C9orf43: variants seen among roughly 807,000 people sequenced by gnomAD.
C9orf43 encodes the protein chromosome 9 open reading frame 43.
Under a neutral mutation model 59.1 loss-of-function variants are expected in C9orf43, and 45 were observed. The observed-to-expected ratio is 0.76, with a 90% CI of 0.60 to 0.98. The LOEUF (loss-of-function observed/expected upper bound fraction) is 0.98. Among genes scored for constraint, C9orf43 ranks in the 50% least tolerant of loss-of-function variants. The probability of loss-of-function intolerance (pLI) is 0.00; values close to 1 mark genes in which losing one functional copy is unlikely to be tolerated. For missense variants in C9orf43, 533 were observed against 554.9 expected (o/e 0.96, Z 0.40); for synonymous variants, 203 against 196.8 (o/e 1.03, Z -0.26).
Position 113,425,037 on chromosome 9 carries a change from C to T in C9orf43, c.826C>T (p.Pro276Ser), listed in dbSNP as rs151254029. The T allele has an allele frequency of 1.4e-5, 23 of 1,612,420 alleles. No homozygotes were observed. The highest frequency in any genetic ancestry group is 1.9e-5 in the Non-Finnish European group (23 of 1,179,954). ...TCTCCAGAGACCAGCACTGCGATATCCTGAACGTTTGAAGAAATTACATAA... is the reference window on the plus strand; with the variant it reads ...TCTCCAGAGACCAGCACTGCGATATTCTGAACGTTTGAAGAAATTACATAA... ...LTLERPALRYPERLKKLHNLK... is the reference protein window; with the variant it reads ...LTLERPALRYSERLKKLHNLK... Residue 276 changes from proline to serine, a missense_variant, in exon 9 of 14, where the codon CCT becomes TCT. Pro to Ser is a moderately conservative substitution (Grantham distance 74). Coordinates refer to ENST00000374165, the MANE Select transcript of C9orf43 (RefSeq NM_001278629.2).
In C9orf43 at chr9:113,421,182, A is replaced by AAGAG. The variant is rs757382006; in HGVS notation, c.428_429insGAGA (p.Thr144ArgfsTer54). ...AATATGGTTGTATTGTGGATCCCAG[A>AAGAG]AGAAACAGAGATACATGTGAGGTGA... On this transcript the variant is annotated frameshift_variant, in exon 5 of 14. Transcript: ENST00000374165. LOFTEE classifies it high-confidence loss of function. 1.2e-6 allele frequency: 2 copies of AAGAG among 1,612,744 alleles called. No homozygotes were observed. Among genetic ancestry groups the AAGAG allele is most frequent in the East Asian group, 4.5e-5 (2 of 44,872 alleles).
At position 113,429,546 on chromosome 9, in the gene C9orf43, G is replaced by T; in HGVS notation, c.*160G>T. ...ACCAGGGCCTGAGCTCTGAGCTTAG[G>T]GATTCCATTTTCTTTGTTCACCTCT... On this transcript the variant is annotated 3_prime_UTR_variant, in exon 14 of 14. Coordinates refer to ENST00000374165, the MANE Select transcript of C9orf43 (RefSeq NM_001278629.2). The T allele has an allele frequency of 1.6e-6, 1 of 606,674 alleles. No homozygotes were observed. The highest frequency in any genetic ancestry group is 2.9e-6 in the Non-Finnish European group (1 of 344,316). 37.6% of individuals were successfully genotyped at this position (606,674 alleles called of 1,614,324 possible).
At chr9:113,415,231 C>T (rs1321066921) in intron 3 of C9orf43, among the ~76,000 whole-genome samples, 1 of 152,002 alleles carries the variant, frequency 6.6e-6, no homozygotes, top group Middle Eastern at 3.4e-3. Flanking sequence ...GCAACCTCCA[C>T]CTCCTGGGTT....
At position 113,429,467 on chromosome 9, in the gene C9orf43, G is replaced by A. The variant is rs1564421262; in HGVS notation, c.*81G>A. On this transcript the variant is annotated 3_prime_UTR_variant, in exon 14 of 14. Coordinates refer to ENST00000374165, the MANE Select transcript of C9orf43 (RefSeq NM_001278629.2). ...CGGGATGGCTGGTATCCTGAGGGCA[G>A]CAACGTTTCACATAAGGGCAAGAGG... 3 of 1,232,200 alleles carry A rather than the reference G, an allele frequency of 2.4e-6. No homozygotes were observed. The highest frequency in any genetic ancestry group is 3.5e-6 in the Non-Finnish European group (3 of 858,572). 76.3% of individuals were successfully genotyped at this position (1,232,200 alleles called of 1,614,324 possible). A position where few individuals can be genotyped will look rare whatever the true frequency, so the allele number is the denominator to read the frequency against.
intron 5 of C9orf43, among the ~76,000 whole-genome samples, chr9:113,421,571 CCCAGGG>C (rs1828575414): frequency 6.6e-6 from 1 of 151,934 alleles, no homozygotes; most frequent in South Asian, 2.1e-4. Context: ...TGTTCTCAAC[CCCAGGG>C]CCTAGTACAG....
Position 113,413,522 on chromosome 9 carries a change from A to G in C9orf43, c.29A>G (p.Asp10Gly). MDLPDESQW[D>G]ETTCGLAVCQ... is the part of the protein sequence containing the mutation. Reference sequence around the variant, plus strand: ...GACTTGCCAGATGAGAGCCAGTGGGACGAAACCACCTGTGGCTTGGCTGTT... The same window carrying G: ...GACTTGCCAGATGAGAGCCAGTGGGGCGAAACCACCTGTGGCTTGGCTGTT... The change falls in exon 2 of 14, where the codon GAC becomes GGC. Residue 10 changes from aspartate to glycine, a missense_variant. By Grantham distance (94) the Asp-to-Gly change is moderately conservative. Transcript: ENST00000374165. 6 of 1,613,898 alleles carry G rather than the reference A, an allele frequency of 3.7e-6. No individual in the cohort carries two copies. Among genetic ancestry groups the G allele is most frequent in the Non-Finnish European group, 5.1e-6 (6 of 1,179,798 alleles).
At chr9:113,422,947 A>G (rs562458393) in intron 6 of C9orf43, among the ~76,000 whole-genome samples, 1 of 152,296 alleles carries the variant, frequency 6.6e-6, no homozygotes, top group East Asian at 1.9e-4. Context: ...TTATGAGTAA[A>G]TGTGACCTTG....
intron 2 of C9orf43, 38 bp from the exon 3 acceptor site, chr9:113,413,721 A>G: frequency 6.2e-7 from 1 of 1,611,854 alleles, no homozygotes. Context: ...TTCTCCAGGC[A>G]GCAGGTTAAC....
At chr9:113,420,669 T>A (rs1286231493) in intron 4 of C9orf43, 1 of 675,736 alleles carries the variant, frequency 1.5e-6, no homozygotes, top group Non-Finnish European at 1.8e-6. Flanking sequence ...TAAATGCCTA[T>A]AATTGTAGTC....
At chr9:113,426,184 A>G (rs560941472) in intron 11 of C9orf43, among the ~76,000 whole-genome samples, 20 of 152,300 alleles carry the variant, frequency 1.3e-4, no homozygotes, top group African/African-American at 4.8e-4. Context: ...GCCACAAGGT[A>G]GAGAGTCTCT....
Position 113,428,931 on chromosome 9 carries a change from A to G in C9orf43, c.1139A>G (p.Tyr380Cys), listed in dbSNP as rs772870167. Residue 380 changes from tyrosine to cysteine, a missense_variant, in exon 13 of 14, where the codon TAT becomes TGT. By Grantham distance (194) the Tyr-to-Cys change is radical. Coordinates refer to ENST00000374165, the MANE Select transcript of C9orf43 (RefSeq NM_001278629.2). ...ACGGAGAGACCAAAGATGAACTACT[A>G]TGACCATGCGGATTTCCACCACAGT... The part of the protein sequence containing the change: ...DSTERPKMNY[Y>C]DHADFHHSVK... 6.8e-6 allele frequency: 11 copies of G among 1,613,846 alleles called. No individual in the cohort carries two copies. In the East Asian group the frequency reaches 8.9e-5, roughly 13 times the overall value.
In C9orf43 at chr9:113,410,963, A is replaced by T. The variant is rs1250027614; in HGVS notation, c.-88A>T. On this transcript the variant is annotated 5_prime_UTR_variant, in exon 1 of 14. Transcript: ENST00000374165. The stretch of plus-strand genomic sequence containing the variant: ...TCCATCTCTACCGAAGTTGATGTTC[A>T]TTTTTAATCTTTTCGCCCCTCACGC... 1.0e-6 allele frequency: 1 copy of T among 986,146 alleles called. No individual in the cohort carries two copies. The allele number at this position is 986,146 out of a possible 1,614,324, so 61.1% of individuals were successfully genotyped here.
At position 113,424,162 on chromosome 9, in the gene C9orf43, T is replaced by TG; in HGVS notation, c.657-4_657-3insG. ...ACTGTCTGGCTGTCCTCTGTCCCCT[T>TG]CAGACTTTTGCCAGGTGGAAAGCAA... On this transcript the variant is annotated splice_polypyrimidine_tract_variant and splice_region_variant and intron_variant, in intron 7 of 13. Transcript: ENST00000374165. 1 of 1,603,986 alleles carries TG rather than the reference T, an allele frequency of 6.2e-7. No individual in the cohort carries two copies. Among genetic ancestry groups the TG allele is most frequent in the Non-Finnish European group, 8.5e-7 (1 of 1,175,618 alleles).
chr9:113,429,420 C>T lies in C9orf43; in HGVS notation c.*34C>T. 1 of 1,591,458 alleles carries T rather than the reference C, an allele frequency of 6.3e-7. No individual in the cohort carries two copies. Among genetic ancestry groups the T allele is most frequent in the Admixed American group, 1.7e-5 (1 of 59,228 alleles). ...TGGAGGAATAGACTGAAGGCATCCC[C>T]TGGGGCAGCCGTGTTCCAAAGCGGG... On this transcript the variant is annotated 3_prime_UTR_variant, in exon 14 of 14. Coordinates refer to ENST00000374165, the MANE Select transcript of C9orf43 (RefSeq NM_001278629.2).
In C9orf43 at chr9:113,429,496, G is replaced by A; in HGVS notation, c.*110G>A. ...CGTTTCACATAAGGGCAAGAGGAGA[G>A]GGGCTTCTGCTCTCTGGAGCCTTTA... On this transcript the variant is annotated 3_prime_UTR_variant, in exon 14 of 14. Transcript: ENST00000374165. The A allele has an allele frequency of 3.5e-6, 3 of 860,366 alleles. No individual in the cohort carries two copies. The highest frequency in any genetic ancestry group is 1.7e-5 in the South Asian group (1 of 59,812). The allele number at this position is 860,366 out of a possible 1,614,324, so 53.3% of individuals were successfully genotyped here.
Position 113,425,367 on chromosome 9 carries a change from C to T in C9orf43, c.889C>T (p.Gln297Ter). 2 of 1,548,760 alleles carry T rather than the reference C, an allele frequency of 1.3e-6. No homozygotes were observed. The highest frequency in any genetic ancestry group is 1.8e-6 in the Non-Finnish European group (2 of 1,132,786). ...AGGTTACAGGAAACAGCAGCAGCGG[C>T]AGCAGCAGCAGCAGCAGCAACAGAA... is the stretch of plus-strand genomic sequence containing the variant. ...TEGYRKQQQR[Q>*]QQQQQQQKKV... Residue 297 changes from glutamine to a stop codon, truncating the protein, a stop_gained, in exon 10 of 14, where the codon CAG becomes TAG. Coordinates refer to ENST00000374165, the MANE Select transcript of C9orf43 (RefSeq NM_001278629.2). LOFTEE classifies it high-confidence loss of function.
At chr9:113,415,047 G>A (rs1347041099) in intron 3 of C9orf43, among the ~76,000 whole-genome samples, 1 of 152,120 alleles carries the variant, frequency 6.6e-6, no homozygotes, top group Non-Finnish European at 1.5e-5. Flanking sequence ...GGCCAGGCTG[G>A]TCTCAAACTC....
In C9orf43 at chr9:113,413,809, G is replaced by C. The variant is rs924405143; in HGVS notation, c.202G>C (p.Ala68Pro). 5 of 1,614,076 alleles carry C rather than the reference G, an allele frequency of 3.1e-6. No homozygotes were observed. Among genetic ancestry groups the C allele is most frequent in the Non-Finnish European group, 3.4e-6 (4 of 1,180,040 alleles). The change falls in exon 3 of 14, where the codon GCT (alanine) becomes CCT (proline). Residue 68 changes from alanine to proline, a missense_variant. Ala to Pro is a conservative substitution (Grantham distance 27, BLOSUM62 -1). Coordinates refer to ENST00000374165, the MANE Select transcript of C9orf43 (RefSeq NM_001278629.2). ...AGACATCTTAGATTCCGGCTTTGCAGCTCATCATTTACCAGAATGTACCTT... is the reference window on the plus strand; with the variant it reads ...AGACATCTTAGATTCCGGCTTTGCACCTCATCATTTACCAGAATGTACCTT... ...VVDILDSGFA[A>P]HHLPECTFTK...
chr9:113,420,803 C>T (rs1163606054), intron 4 of C9orf43: 2 of 985,104 alleles, frequency 2.0e-6, no homozygotes, highest in Non-Finnish European at 2.4e-6. Flanking sequence ...AGTAATGTTC[C>T]TGTAGGTAAG....
Sources: allele counts gnomAD v4.1 joint callset (sites outside exome capture counted in the v4.1 genomes callset), GRCh38; gene constraint gnomAD v4.1.1; transcripts MANE v1.5; gene names NCBI Gene and HGNC (gene_info 2026-07-23, HGNC 2026-07-21).